ATP11B: variants seen among roughly 807,000 people sequenced by gnomAD.
ATP11B encodes phospholipid-transporting ATPase IF.
Under a neutral mutation model 157.8 loss-of-function variants are expected in ATP11B, and 81 were observed. The ratio of observed to expected loss-of-function variants is 0.51; its 90% CI spans 0.43 to 0.62. The LOEUF (loss-of-function observed/expected upper bound fraction) is 0.62, where lower values mean the gene tolerates loss of function less well. ATP11B is among the 20% of genes least tolerant of loss of function. The pLI is 0.00. For missense variants in ATP11B, 1,165 were observed against 1,402.2 expected (o/e 0.83, Z 2.70); for synonymous variants, 451 against 469.4 (o/e 0.96, Z 0.51).
intron 2 of ATP11B, among the ~76,000 whole-genome samples, chr3:182,825,807 T>C (rs914278881): frequency 4.0e-5 from 6 of 150,774 alleles, no homozygotes; most frequent in African/African-American, 1.2e-4. Context: ...GTCTGAGACA[T>C]GAGAATCGCT....
Position 182,857,896 on chromosome 3 carries a change from G to A in ATP11B, c.870G>A (p.Leu290=). The change falls in exon 11 of 30, where the codon TTG becomes TTA. Residue 290 remains leucine (L), a synonymous_variant. Coordinates refer to ENST00000323116, the MANE Select transcript of ATP11B (RefSeq NM_014616.3). ...CCTTAAGGTCAATGAATACATTTTT[G>A]ATAATTTATCTAGTAATTCTTATAT... The part of the protein sequence containing the change: ...SAVEKSMNTF[L]IIYLVILISE... 1 of 1,527,122 alleles carries A rather than the reference G, an allele frequency of 6.5e-7. No individual in the cohort carries two copies. Among genetic ancestry groups the A allele is most frequent in the Non-Finnish European group, 9.0e-7 (1 of 1,105,590 alleles). 94.6% of individuals were successfully genotyped at this position (1,527,122 alleles called of 1,614,324 possible).
Position 182,905,087 on chromosome 3 carries a change from T to C in ATP11B, c.3318+6315T>C, listed in dbSNP as rs1022358679. 7.5e-4 allele frequency among the ~76,000 whole-genome samples: 114 copies of C among 152,126 alleles called. 3 individuals are homozygous for C. Among genetic ancestry groups the C allele is most frequent in the Non-Finnish European group, 1.6e-4 (11 of 68,016 alleles). ...GCTTAGTTTTTGTTTATGTCAGAAA[T>C]TCAGCATTGCATCTTTCATAGAAAT... is the stretch of plus-strand genomic sequence containing the variant. On this transcript the variant is annotated intron_variant, in intron 28 of 29. Transcript: ENST00000323116.
chr3:182,896,609 A>T, intron 25 of ATP11B, 91 bp from the exon 26 acceptor site: 1 of 1,078,556 alleles, frequency 9.3e-7, no homozygotes, highest in Non-Finnish European at 1.4e-6. Context: ...TAAATAATTC[A>T]AGGGATTTTT....
intron 1 of ATP11B, among the ~76,000 whole-genome samples, chr3:182,810,771 A>T (rs1716615077): frequency 6.6e-6 from 1 of 152,230 alleles, no homozygotes; most frequent in African/African-American, 2.4e-5. Flanking sequence ...TGTACTGCTC[A>T]TGTGAGATAA....
chr3:182,828,070 A>G (rs1303373948), intron 2 of ATP11B, 50 bp from the exon 3 acceptor site: 1 of 855,432 alleles, frequency 1.2e-6, no homozygotes, highest in Non-Finnish European at 1.7e-6. Flanking sequence ...TTATGTCTAT[A>G]TACTTGATAT....
intron 1 of ATP11B, among the ~76,000 whole-genome samples, chr3:182,794,831 T>C (rs1039771678): frequency 2.0e-5 from 3 of 152,238 alleles, no homozygotes; most frequent in African/African-American, 7.2e-5. Flanking sequence ...ATTAACTTAA[T>C]GCTTCTACAA....
At chr3:182,909,402 C>A (rs547190347) in intron 28 of ATP11B, among the ~76,000 whole-genome samples, 8 of 152,300 alleles carry the variant, frequency 5.3e-5, no homozygotes, top group Admixed American at 4.6e-4. Context: ...ATCACAACTT[C>A]TAGTAAATTA....
At chr3:182,851,894 C>G (rs911706309) in intron 10 of ATP11B, among the ~76,000 whole-genome samples, 12 of 152,130 alleles carry the variant, frequency 7.9e-5, no homozygotes, top group African/African-American at 2.7e-4. Flanking sequence ...TATATGCTGT[C>G]TAGAAGAAAT....
At chr3:182,892,830 C>T (rs1015472029) in intron 25 of ATP11B, among the ~76,000 whole-genome samples, 5 of 152,154 alleles carry the variant, frequency 3.3e-5, no homozygotes, top group African/African-American at 1.2e-4. Context: ...TCTAAAACTG[C>T]TTTTCCATGG....
At chr3:182,861,858 G>T (rs191139471) in intron 12 of ATP11B, among the ~76,000 whole-genome samples, 1 of 151,496 alleles carries the variant, frequency 6.6e-6, no homozygotes, top group Admixed American at 6.6e-5. Flanking sequence ...GTGAGAGGAT[G>T]ACTTGAGCCC....
intron 4 of ATP11B, among the ~76,000 whole-genome samples, chr3:182,835,033 G>T (rs968144949): frequency 6.6e-6 from 1 of 152,134 alleles, no homozygotes. Context: ...TCATGAAGTG[G>T]AAATGGATCG....
intron 1 of ATP11B, among the ~76,000 whole-genome samples, chr3:182,798,073 G>T (rs546973883): frequency 6.6e-6 from 1 of 152,192 alleles, no homozygotes; most frequent in African/African-American, 2.4e-5. Context: ...GTAGTTTGAG[G>T]CTGCAGTGAG....
chr3:182,869,730 A>G (rs1210843092), intron 17 of ATP11B, among the ~76,000 whole-genome samples: 1 of 152,256 alleles, frequency 6.6e-6, no homozygotes, highest in Admixed American at 6.5e-5. Flanking sequence ...GAGTTACTAT[A>G]TGACACAGCA....
intron 8 of ATP11B, among the ~76,000 whole-genome samples, chr3:182,842,456 T>G (rs1431889608): frequency 6.6e-6 from 1 of 152,164 alleles, no homozygotes; most frequent in Non-Finnish European, 1.5e-5. Context: ...GTTGTGGAGC[T>G]TCCGTGCTCT....
chr3:182,879,506 G>C lies in ATP11B; in HGVS notation c.2263G>C (p.Asp755His). 6.2e-7 allele frequency: 1 copy of C among 1,602,538 alleles called. No homozygotes were observed. Among genetic ancestry groups the C allele is most frequent in the Non-Finnish European group, 8.5e-7 (1 of 1,176,806 alleles). The change falls in exon 20 of 30, where the codon GAT (aspartate) becomes CAT (histidine). Residue 755 changes from aspartate (D) to histidine (H), a missense_variant. Transcript: ENST00000323116. ...TATTTTCTCTTTTAGAATTACAGAGGATCATGTGATTCAGCATGGGCTGGT... is the reference window on the plus strand; with the variant it reads ...TATTTTCTCTTTTAGAATTACAGAGCATCATGTGATTCAGCATGGGCTGGT... ...LRQLARRITE[D>H]HVIQHGLVVD...
In ATP11B at chr3:182,869,089, T is replaced by G. The variant is rs777899042; in HGVS notation, c.1700T>G (p.Leu567Arg). The change falls in exon 16 of 30, where the codon CTT becomes CGT. Residue 567 changes from leucine to arginine, a missense_variant. Leu to Arg is a moderately radical substitution (Grantham distance 102, BLOSUM62 -2). Transcript: ENST00000323116. ...TLGKLERYKL[L>R]HILEFDSDRR... ...TTTCTTTTGTTTAGGTACAAACTGC[T>G]TCATATTCTGGAATTTGATTCAGAT... is the stretch of plus-strand genomic sequence containing the variant. 6.2e-7 allele frequency: 1 copy of G among 1,609,248 alleles called. No individual in the cohort carries two copies. Among genetic ancestry groups the G allele is most frequent in the Non-Finnish European group, 8.5e-7 (1 of 1,177,580 alleles).
Position 182,885,878 on chromosome 3 carries a change from A to ATT in ATP11B, c.2656-66_2656-65dup, listed in dbSNP as rs11392709. On this transcript the variant is annotated intron_variant, in intron 22 of 29. Coordinates refer to ENST00000323116, the MANE Select transcript of ATP11B (RefSeq NM_014616.3). Reference sequence around the variant, plus strand: ...ATTGTTTTTGGACACTTTAACAGCCATTTTTTTTATTTTTTATTTTGTCTT... The same window carrying ATT: ...ATTGTTTTTGGACACTTTAACAGCCATTTTTTTTTTATTTTTTATTTTGTCTT... 3.9e-5 allele frequency: 42 copies of ATT among 1,090,296 alleles called. 1 individual carries two copies. The highest frequency in any genetic ancestry group is 2.0e-4 in the African/African-American group (12 of 58,878). The allele number at this position is 1,090,296 out of a possible 1,614,324, so 67.5% of individuals were successfully genotyped here.
chr3:182,872,020 T>G (rs969786143), intron 17 of ATP11B, among the ~76,000 whole-genome samples: 1 of 152,218 alleles, frequency 6.6e-6, no homozygotes, highest in African/African-American at 2.4e-5. Context: ...TTTCACCATG[T>G]TAGCCAGGAT....
At chr3:182,877,237 CA>C (rs1218951755) in intron 19 of ATP11B, among the ~76,000 whole-genome samples, 1 of 152,190 alleles carries the variant, frequency 6.6e-6, no homozygotes, top group East Asian at 1.9e-4. Flanking sequence ...TAGCCTAGAC[CA>C]GGGGTACCAG....
Sources: gnomAD v4.1 joint callset for allele counts (sites outside exome capture counted in the v4.1 genomes callset) on GRCh38, gnomAD v4.1.1 for gene constraint, MANE v1.5 for transcripts, NCBI Gene and HGNC (gene_info 2026-07-23, HGNC 2026-07-21) for gene names.